TSHZ3: variants seen among roughly 807,000 people sequenced by gnomAD.
The protein encoded by TSHZ3 is teashirt homolog 3.
In TSHZ3, 10 loss-of-function variants were observed where a neutral mutation model predicts 64.5. The ratio of observed to expected loss-of-function variants is 0.16; its 90% CI spans 0.10 to 0.26. TSHZ3 has a LOEUF of 0.26. Among genes scored for constraint, TSHZ3 ranks in the 10% least tolerant of loss-of-function variants. The pLI is 1.00. For synonymous variants in TSHZ3, 608 were observed against 593.1 expected, an observed-to-expected ratio of 1.03 and a Z score of -0.36; for missense variants, 1,242 against 1,421.7, an observed-to-expected ratio of 0.87 and a Z score of 2.03.
At chr19:31,227,183 T>C (rs890723778) in intron 4 of TSHZ3, among the ~76,000 whole-genome samples, 5 of 152,052 alleles carry the variant, frequency 3.3e-5, no homozygotes, top group Non-Finnish European at 7.4e-5. Flanking sequence ...TTTCACTATG[T>C]TGCCCAGGCT....
At chr19:31,158,207 G>A (rs1426691477) in intron 5 of TSHZ3, among the ~76,000 whole-genome samples, 3 of 152,160 alleles carry the variant, frequency 2.0e-5, no homozygotes, top group African/African-American at 7.2e-5. Context: ...CACTCGACAT[G>A]TGGCTGGGAC....
At chr19:31,174,117 G>A (rs2145118391) in intron 5 of TSHZ3, among the ~76,000 whole-genome samples, 1 of 152,306 alleles carries the variant, frequency 6.6e-6, no homozygotes, top group East Asian at 1.9e-4. Context: ...TGTGACTATG[G>A]TGGCTTAGAA....
At chr19:31,181,301 A>G (rs1297278914) in intron 5 of TSHZ3, among the ~76,000 whole-genome samples, 2 of 152,180 alleles carry the variant, frequency 1.3e-5, no homozygotes, top group African/African-American at 4.8e-5. Context: ...CTTACCATGC[A>G]GGAAGCAGAT....
intron 1 of TSHZ3, among the ~76,000 whole-genome samples, chr19:31,328,518 C>A (rs1324693578): frequency 1.3e-5 from 2 of 152,238 alleles, no homozygotes; most frequent in Non-Finnish European, 2.9e-5. Context: ...CCCAGCTGAG[C>A]CATCCATGTT....
In TSHZ3 at chr19:31,279,824, G is replaced by T; in HGVS notation, c.41-72C>A. 1 of 1,234,150 alleles carries T rather than the reference G, an allele frequency of 8.1e-7. No homozygotes were observed. The highest frequency in any genetic ancestry group is 1.1e-6 in the Non-Finnish European group (1 of 937,750). 76.4% of individuals were successfully genotyped at this position (1,234,150 alleles called of 1,614,324 possible). A position where few individuals can be genotyped will look rare whatever the true frequency, so the allele number is the denominator to read the frequency against. On this transcript the variant is annotated intron_variant, in intron 1 of 1. Transcript: ENST00000240587. This position sits in a 1 kb window ranked among gnomAD's most constrained non-coding sequence, Gnocchi z 6.4. Reference sequence around the variant, plus strand: ...AGAGAGACAGGGAGAAGGAGAGAAAGAAAAAAAAAAGCATTAGTACTTGTT... The same window carrying T: ...AGAGAGACAGGGAGAAGGAGAGAAATAAAAAAAAAAGCATTAGTACTTGTT...
At chr19:31,271,700 C>G (rs190943381), downstream of TSHZ3, among the ~76,000 whole-genome samples, 2 of 152,288 alleles carry the variant, frequency 1.3e-5, no homozygotes, top group Non-Finnish European at 2.9e-5. Flanking sequence ...AGGCATCCAC[C>G]AGCACAGGGT....
At chr19:31,210,298 A>ACAT (rs1975246406) in intron 4 of TSHZ3, among the ~76,000 whole-genome samples, 1 of 152,078 alleles carries the variant, frequency 6.6e-6, no homozygotes, top group Admixed American at 6.5e-5. Context: ...ATAGGCTCAA[A>ACAT]AGGGCTTTGC....
At chr19:31,247,094 G>A (rs1975766202) in intron 1 of TSHZ3, among the ~76,000 whole-genome samples, 1 of 152,026 alleles carries the variant, frequency 6.6e-6, no homozygotes, top group Non-Finnish European at 1.5e-5. Flanking sequence ...AATGTAGAAG[G>A]AATACTATAA....
At chr19:31,332,810 A>C (rs1568384190) in intron 1 of TSHZ3, among the ~76,000 whole-genome samples, 2 of 152,018 alleles carry the variant, frequency 1.3e-5, no homozygotes, top group Non-Finnish European at 2.9e-5. Context: ...AACAAAACAA[A>C]ACAAAACAGG....
Position 31,349,175 on chromosome 19 carries a change from C to A in TSHZ3, c.40+5G>T, listed in dbSNP as rs1243986620. On this transcript the variant is annotated splice_donor_5th_base_variant and intron_variant, in intron 1 of 1. Transcript: ENST00000240587. ...AGAGCAGAAGGAAGGGGAAGCGGCTCGTACCTGCTGCGCGCCGGGGCGCCT... is the reference window on the plus strand; with the variant it reads ...AGAGCAGAAGGAAGGGGAAGCGGCTAGTACCTGCTGCGCGCCGGGGCGCCT... The A allele has an allele frequency of 1.9e-6, 3 of 1,541,906 alleles. No homozygotes were observed. Among genetic ancestry groups the A allele is most frequent in the Admixed American group, 2.0e-5 (1 of 50,580 alleles).
At chr19:31,167,011 G>A (rs1021410276) in intron 5 of TSHZ3, among the ~76,000 whole-genome samples, 10 of 152,246 alleles carry the variant, frequency 6.6e-5, no homozygotes, top group Middle Eastern at 6.8e-3. Context: ...CAGAGCACAC[G>A]CAATCTTTGG....
rs376867844 is a variant in TSHZ3 at position 31,170,015 on chromosome 19, C to T, written n.810-13598G>A. Among the ~76,000 whole-genome samples, 157 of 152,270 alleles carry T rather than the reference C, an allele frequency of 1.0e-3. 3 individuals are homozygous for T. The South Asian group carries it at 0.026, about 26-fold the overall frequency. On this transcript the variant is annotated intron_variant and non_coding_transcript_variant, in intron 5 of 6. Transcript: ENST00000651361. ...CTGCTAATAGGGTCTAGCTGAATGG[C>T]TAACAAGCAAGGTGAAATGTAGCAT...
intron 5 of TSHZ3, among the ~76,000 whole-genome samples, chr19:31,175,538 A>G (rs1974595241): frequency 6.6e-6 from 1 of 152,162 alleles, no homozygotes; most frequent in Admixed American, 6.5e-5. Context: ...GGTAGAGTTG[A>G]GCCATGTGTT....
intron 5 of TSHZ3, among the ~76,000 whole-genome samples, chr19:31,202,246 TCA>T (rs1975098279): frequency 2.0e-5 from 3 of 152,072 alleles, no homozygotes; most frequent in African/African-American, 7.2e-5. Flanking sequence ...CTAAAATAAT[TCA>T]CAAAAAAATA....
intron 1 of TSHZ3, among the ~76,000 whole-genome samples, chr19:31,345,545 A>T (rs949624546): frequency 6.6e-6 from 1 of 152,196 alleles, no homozygotes; most frequent in Non-Finnish European, 1.5e-5. Flanking sequence ...GGTCCAAGTC[A>T]CTTTCACAAA....
intron 1 of TSHZ3, among the ~76,000 whole-genome samples, chr19:31,263,151 A>T (rs1976003185): frequency 6.6e-6 from 1 of 152,208 alleles, no homozygotes; most frequent in Non-Finnish European, 1.5e-5. Context: ...TGGCTGGCTC[A>T]GAATTGCAGC....
chr19:31,203,366 G>A (rs929699364), intron 5 of TSHZ3, among the ~76,000 whole-genome samples: 8 of 152,166 alleles, frequency 5.3e-5, no homozygotes, highest in Non-Finnish European at 8.8e-5. Flanking sequence ...GCATTGGGTG[G>A]ATATGGACTT....
At chr19:31,311,089 T>C (rs1916444191) in intron 1 of TSHZ3, among the ~76,000 whole-genome samples, 1 of 152,176 alleles carries the variant, frequency 6.6e-6, no homozygotes, top group African/African-American at 2.4e-5. Context: ...CCAAAAGGCT[T>C]TCAGCCACCC....
chr19:31,338,729 T>C (rs1917332776), intron 1 of TSHZ3, among the ~76,000 whole-genome samples: 2 of 152,144 alleles, frequency 1.3e-5, no homozygotes, highest in African/African-American at 4.8e-5. Context: ...GAAAGTTGCC[T>C]GTGAGCTTTA....
Sources: allele counts gnomAD v4.1 joint callset (sites outside exome capture counted in the v4.1 genomes callset), GRCh38; gene constraint gnomAD v4.1.1; non-coding constraint Gnocchi (gnomAD v3.1); transcripts MANE v1.5; gene names NCBI Gene and HGNC (gene_info 2026-07-23, HGNC 2026-07-21).